Variants in OR2M3 observed in about 807,000 individuals in gnomAD.
OR2M3 encodes olfactory receptor family 2 subfamily M member 3, also known as olfactory receptor 2M3.
Under a neutral mutation model 4.3 loss-of-function variants are expected in OR2M3, and 1 was observed. That is an observed-to-expected ratio of 0.23 (90% CI 0.08 to 1.11). The LOEUF is 1.11. Ranked by LOEUF, OR2M3 falls within the 50% of genes most tolerant of loss-of-function variation. The pLI is 0.54. For missense variants in OR2M3, 410 were observed against 390.4 expected (o/e 1.05, Z -0.42); for synonymous variants, 151 against 139.4 (o/e 1.08, Z -0.59).
rs1329401032 is a variant in OR2M3, at chr1:248,207,371, T to C, written c.*3365T>C. ...GGTTTGGGTTTGGATTGTTCTTGTTTCTCCTGTTCTGTGAGGTGCGACCTA... is the reference window on the plus strand; with the variant it reads ...GGTTTGGGTTTGGATTGTTCTTGTTCCTCCTGTTCTGTGAGGTGCGACCTA... On this transcript the variant is annotated 3_prime_UTR_variant, in exon 2 of 2. Coordinates refer to ENST00000641626, the MANE Select transcript of OR2M3 (RefSeq NM_001004689.2). The C allele has an allele frequency of 6.6e-6, 1 of 152,088 alleles. No individual in the cohort carries two copies. The highest frequency in any genetic ancestry group is 2.4e-5 in the African/African-American group (1 of 41,454). The allele number at this position is 152,088 out of a possible 1,614,324, so 9.4% of individuals were successfully genotyped here.
At chr1:248,199,846 A>T (rs930678623) in intron 1 of OR2M3, among the ~76,000 whole-genome samples, 1 of 152,130 alleles carries the variant, frequency 6.6e-6, no homozygotes, top group Non-Finnish European at 1.5e-5. Context: ...GAGGTGAAAA[A>T]TACAACACAA....
chr1:248,200,389 A>T lies in OR2M3; in HGVS notation c.-18-2661A>T, dbSNP rs1376211059. The stretch of plus-strand genomic sequence containing the variant: ...AAGTCTTTCCCCCTGATTGACTTTA[A>T]AAGCCTACCTCCTCTTGAAGACAAC... On this transcript the variant is annotated intron_variant, in intron 1 of 1. Coordinates refer to ENST00000641626, the MANE Select transcript of OR2M3 (RefSeq NM_001004689.2). Among the ~76,000 whole-genome samples, 4 of 152,246 alleles carry T rather than the reference A, an allele frequency of 2.6e-5. No homozygotes were observed. In the South Asian group the frequency reaches 6.2e-4, roughly 24 times the overall value.
rs1666291637 is a variant in OR2M3 at position 248,212,417 on chromosome 1, AC to A, written c.*8413del. 6.6e-6 allele frequency: 1 copy of A among 152,002 alleles called. No homozygotes were observed. 9.4% of individuals were successfully genotyped at this position (152,002 alleles called of 1,614,324 possible). On this transcript the variant is annotated 3_prime_UTR_variant, in exon 2 of 2. Transcript: ENST00000641626. ...AAATAAGGAAAATAAATTTTGTAAA[AC>A]CTGCTTCTAAATATAATGTACTTTT...
In OR2M3 at chr1:248,203,032, C is replaced by A. The variant is rs1406836484; in HGVS notation, c.-18-18C>A. On this transcript the variant is annotated intron_variant, in intron 1 of 1. Coordinates refer to ENST00000641626, the MANE Select transcript of OR2M3 (RefSeq NM_001004689.2). ...AGTAAAGTTTTACCAAATTAATACG[C>A]TGGTTTTGTGGTACTAGGTAAAAAG... The A allele has an allele frequency of 2.4e-5, 38 of 1,571,244 alleles. No individual in the cohort carries two copies. Among genetic ancestry groups the A allele is most frequent in the Non-Finnish European group, 3.1e-5 (36 of 1,157,464 alleles).
At position 248,208,275 on chromosome 1, in the gene OR2M3, A is replaced by T. The variant is rs1321107516; in HGVS notation, c.*4269A>T. The T allele has an allele frequency of 6.6e-6, 1 of 152,046 alleles. No individual in the cohort carries two copies. The highest frequency in any genetic ancestry group is 1.5e-5 in the Non-Finnish European group (1 of 67,968). The allele number at this position is 152,046 out of a possible 1,614,324, so 9.4% of individuals were successfully genotyped here. On this transcript the variant is annotated 3_prime_UTR_variant, in exon 2 of 2. Transcript: ENST00000641626. ...ATTCTTATCCATTCTGCCATTCTGT[A>T]TTTTTTAAGTGGAACATTTAGGCCA... is the stretch of plus-strand genomic sequence containing the variant.
At chr1:248,198,027 A>G (rs1487605085) in intron 1 of OR2M3, among the ~76,000 whole-genome samples, 19 of 152,172 alleles carry the variant, frequency 1.2e-4, no homozygotes, top group Admixed American at 1.2e-3. Flanking sequence ...CTCAACCCGT[A>G]TTAATGAATG....
At chr1:248,200,573 G>T (rs1666144740) in intron 1 of OR2M3, among the ~76,000 whole-genome samples, 1 of 152,160 alleles carries the variant, frequency 6.6e-6, no homozygotes, top group Non-Finnish European at 1.5e-5. Context: ...AAAGGGAGGA[G>T]GTTGAGGCCT....
rs1046404631 is a variant in OR2M3 at position 248,206,734 on chromosome 1, T to C, written c.*2728T>C. On this transcript the variant is annotated 3_prime_UTR_variant, in exon 2 of 2. Transcript: ENST00000641626. ...TAGTATTATGTTGAGGATTTTTGCATCTATGTTCATCAGGGATATTGGTCT... is the reference window on the plus strand; with the variant it reads ...TAGTATTATGTTGAGGATTTTTGCACCTATGTTCATCAGGGATATTGGTCT... 1 of 152,138 alleles carries C rather than the reference T, an allele frequency of 6.6e-6. No individual in the cohort carries two copies. The highest frequency in any genetic ancestry group is 2.1e-4 in the South Asian group (1 of 4,830). 9.4% of individuals were successfully genotyped at this position (152,138 alleles called of 1,614,324 possible). A position where few individuals can be genotyped will look rare whatever the true frequency, so the allele number is the denominator to read the frequency against.
rs1666284793 is a variant in OR2M3 at position 248,211,691 on chromosome 1, C to G, written c.*7685C>G. ...AGGGGCCTGCTAATCTCTCAGGGCC[C>G]ATGCGAAATCTATCTCAATCAAAAG... On this transcript the variant is annotated 3_prime_UTR_variant, in exon 2 of 2. Transcript: ENST00000641626. 6.6e-6 allele frequency: 1 copy of G among 151,874 alleles called. No homozygotes were observed. The highest frequency in any genetic ancestry group is 2.1e-4 in the South Asian group (1 of 4,820). 9.4% of individuals were successfully genotyped at this position (151,874 alleles called of 1,614,324 possible).
Position 248,211,117 on chromosome 1 carries a change from A to G in OR2M3, c.*7111A>G, listed in dbSNP as rs995798979. On this transcript the variant is annotated 3_prime_UTR_variant, in exon 2 of 2. Transcript: ENST00000641626. ...AATTTTATTGAGACTCTTGAAACTC[A>G]CTTTGGAGTAAAAGTTAATACACTG... is the stretch of plus-strand genomic sequence containing the variant. The G allele has an allele frequency of 6.6e-6, 1 of 152,166 alleles. No individual in the cohort carries two copies. Among genetic ancestry groups the G allele is most frequent in the South Asian group, 2.1e-4 (1 of 4,832 alleles). The allele number at this position is 152,166 out of a possible 1,614,324, so 9.4% of individuals were successfully genotyped here.
At chr1:248,200,448 C>G (rs945871828) in intron 1 of OR2M3, among the ~76,000 whole-genome samples, 6 of 152,106 alleles carry the variant, frequency 3.9e-5, no homozygotes, top group Admixed American at 2.0e-4. Context: ...ACCCCCAACA[C>G]TGAAGATCCC....
chr1:248,203,843 A>C lies in OR2M3; in HGVS notation c.776A>C (p.Tyr259Ser). 6.2e-7 allele frequency: 1 copy of C among 1,613,584 alleles called. No homozygotes were observed. ...GMYYGAALFMYIRPTSDRSPT... is the reference protein window; with the variant it reads ...GMYYGAALFMSIRPTSDRSPT... ...TACTATGGAGCAGCTTTGTTCATGTACATACGGCCCACATCTGATCGCTCC... is the reference window on the plus strand; with the variant it reads ...TACTATGGAGCAGCTTTGTTCATGTCCATACGGCCCACATCTGATCGCTCC... Residue 259 changes from tyrosine (Y) to serine (S), a missense_variant, in exon 2 of 2, where the codon TAC becomes TCC. Physicochemically the swap from Tyr to Ser is moderately radical, Grantham distance 144. Coordinates refer to ENST00000641626, the MANE Select transcript of OR2M3 (RefSeq NM_001004689.2).
intron 1 of OR2M3, among the ~76,000 whole-genome samples, chr1:248,202,158 G>A (rs1005385622): frequency 3.9e-5 from 6 of 152,066 alleles, no homozygotes; most frequent in African/African-American, 1.4e-4. Context: ...ACTTCTGAGG[G>A]CTCTAAGCAG....
At position 248,208,088 on chromosome 1, in the gene OR2M3, C is replaced by T. The variant is rs1666242473; in HGVS notation, c.*4082C>T. ...CCCTCTTTGTCTTTTTTTAACTGCT[C>T]TTGCTTTAAAGTTTGTTTTTTTCTA... On this transcript the variant is annotated 3_prime_UTR_variant, in exon 2 of 2. Transcript: ENST00000641626. The T allele has an allele frequency of 6.6e-6, 1 of 151,886 alleles. No homozygotes were observed. The highest frequency in any genetic ancestry group is 1.5e-5 in the Non-Finnish European group (1 of 67,920). 9.4% of individuals were successfully genotyped at this position (151,886 alleles called of 1,614,324 possible). A position where few individuals can be genotyped will look rare whatever the true frequency, so the allele number is the denominator to read the frequency against.
Position 248,204,014 on chromosome 1 carries a change from A to C in OR2M3, c.*8A>C, listed in dbSNP as rs758983097. Reference sequence around the variant, plus strand: ...GGCAAGTCTGGAGAGTGAGTTACCTAATAAACTTCATGTTTTGCTGTGTGC... The same window carrying C: ...GGCAAGTCTGGAGAGTGAGTTACCTCATAAACTTCATGTTTTGCTGTGTGC... On this transcript the variant is annotated 3_prime_UTR_variant, in exon 2 of 2. Transcript: ENST00000641626. 1 of 1,613,342 alleles carries C rather than the reference A, an allele frequency of 6.2e-7. No homozygotes were observed. Among genetic ancestry groups the C allele is most frequent in the Non-Finnish European group, 8.5e-7 (1 of 1,179,466 alleles).
At chr1:248,197,337 A>C (rs1469690994) in intron 1 of OR2M3, 36 bp downstream of exon 1, 1 of 152,166 alleles carries the variant, frequency 6.6e-6, no homozygotes. Flanking sequence ...AAGCGCAAGC[A>C]TGACTTTGTA....
intron 1 of OR2M3, among the ~76,000 whole-genome samples, chr1:248,199,177 T>C (rs1666129753): frequency 6.6e-6 from 1 of 152,050 alleles, no homozygotes; most frequent in African/African-American, 2.4e-5. Flanking sequence ...GGAAGCACAA[T>C]ATTACAATTA....
intron 1 of OR2M3, among the ~76,000 whole-genome samples, chr1:248,201,242 T>G (rs888810922): frequency 2.0e-5 from 3 of 152,072 alleles, no homozygotes; most frequent in African/African-American, 7.2e-5. Flanking sequence ...GTTCTATTTA[T>G]GCATTTCAGT....
Position 248,208,439 on chromosome 1 carries a change from G to A in OR2M3, c.*4433G>A, listed in dbSNP as rs1666246509. The A allele has an allele frequency of 1.3e-5, 2 of 152,088 alleles. No homozygotes were observed. Among genetic ancestry groups the A allele is most frequent in the African/African-American group, 4.8e-5 (2 of 41,408 alleles). 9.4% of individuals were successfully genotyped at this position (152,088 alleles called of 1,614,324 possible). On this transcript the variant is annotated 3_prime_UTR_variant, in exon 2 of 2. Coordinates refer to ENST00000641626, the MANE Select transcript of OR2M3 (RefSeq NM_001004689.2). ...TCCTGTAATATTTATGCTTTAAGGA[G>A]GCTCTATTTGGTGTATTCCAAGAAT...
Sources: allele counts gnomAD v4.1 joint callset (sites outside exome capture counted in the v4.1 genomes callset), GRCh38; gene constraint gnomAD v4.1.1; transcripts MANE v1.5; gene names NCBI Gene and HGNC (gene_info 2026-07-23, HGNC 2026-07-21).